Variants in COPG1 observed in about 807,000 individuals in gnomAD.
The protein encoded by COPG1 is coat protein complex I subunit gamma 1.
Under a neutral mutation model 102.8 loss-of-function variants are expected in COPG1, and 29 were observed. That is an observed-to-expected ratio of 0.28 (90% CI 0.21 to 0.38). The LOEUF (loss-of-function observed/expected upper bound fraction) is 0.38, where lower values mean the gene tolerates loss of function less well. COPG1 is among the 10% of genes least tolerant of loss of function. The pLI, the probability that COPG1 is intolerant of heterozygous loss-of-function variation, is 1.00. For missense variants in COPG1, 875 were observed against 1,132.7 expected (o/e 0.77, Z 3.27); for synonymous variants, 406 against 421.6 (o/e 0.96, Z 0.45).
rs764520625 is a variant in COPG1 at position 129,257,579 on chromosome 3, G to T, written c.689G>T (p.Cys230Phe). The stretch of plus-strand genomic sequence containing the variant: ...GGCCTTAAGTCTCCCTTTGCCTACT[G>T]CATGATGATCCGGGTGGCCAGCAAG... ...RHGLKSPFAY[C>F]MMIRVASKQL... is the part of the protein sequence containing the mutation. The change falls in exon 9 of 24, where the codon TGC becomes TTC. Residue 230 changes from cysteine (C) to phenylalanine (F), a missense_variant. Cys to Phe is a radical substitution (Grantham distance 205). Coordinates refer to ENST00000314797, the MANE Select transcript of COPG1 (RefSeq NM_016128.4). The T allele has an allele frequency of 1.9e-6, 3 of 1,614,130 alleles. No individual in the cohort carries two copies. The highest frequency in any genetic ancestry group is 2.5e-6 in the Non-Finnish European group (3 of 1,180,056).
At chr3:129,267,189 G>A in intron 15 of COPG1, 90 bp downstream of exon 15, 1 of 976,970 alleles carries the variant, frequency 1.0e-6, no homozygotes, top group Non-Finnish European at 1.6e-6. Context: ...TAACTGAAAA[G>A]GGAGAGAAAA....
In COPG1 at chr3:129,268,560, A is replaced by G. The variant is rs1940116633; in HGVS notation, c.1714A>G (p.Lys572Glu). Residue 572 changes from lysine to glutamate, a missense_variant, in exon 17 of 24, where the codon AAA (lysine) becomes GAA (glutamate). By Grantham distance (56) the Lys-to-Glu change is moderately conservative. Transcript: ENST00000314797. ...LQQYTLEPSE[K>E]PFDLKSVPLA... is the part of the protein sequence containing the mutation. Reference sequence around the variant, plus strand: ...GCAGTACACTCTAGAACCATCAGAAAAACCTTTTGACCTCAAGTCTGTGCC... The same window carrying G: ...GCAGTACACTCTAGAACCATCAGAAGAACCTTTTGACCTCAAGTCTGTGCC... 6.2e-7 allele frequency: 1 copy of G among 1,614,174 alleles called. No homozygotes were observed. The highest frequency in any genetic ancestry group is 2.2e-5 in the East Asian group (1 of 44,880).
chr3:129,263,360 C>T (rs969489367), intron 12 of COPG1, among the ~76,000 whole-genome samples: 8 of 152,060 alleles, frequency 5.3e-5, no homozygotes, highest in Non-Finnish European at 1.0e-4. Flanking sequence ...GTGCTGTGGG[C>T]GCCAGGTGGA....
At chr3:129,252,546 C>A in intron 3 of COPG1, 77 bp from the exon 4 acceptor site, 2 of 1,263,172 alleles carry the variant, frequency 1.6e-6, no homozygotes, top group Non-Finnish European at 1.1e-6. Context: ...GTCTGGGGAT[C>A]TGGTGTGGGC....
intron 10 of COPG1, among the ~76,000 whole-genome samples, chr3:129,259,482 AAATGG>A (rs199926895): frequency 9.8e-5 from 12 of 122,760 alleles, no homozygotes; most frequent in African/African-American, 6.1e-4. Context: ...AAAAAAAAAG[AAATGG>A]AAAAAGAACT....
chr3:129,266,883 G>A, intron 14 of COPG1, 141 bp from the exon 15 acceptor site: 2 of 687,748 alleles, frequency 2.9e-6, no homozygotes, highest in East Asian at 2.7e-5. Context: ...CACTCTGTTG[G>A]TAGTGACTTT....
chr3:129,265,710 G>C lies in COPG1; in HGVS notation c.1386G>C (p.Glu462Asp). ...ATRILHLLGQ[E>D]GPKTTNPSKY... ...GTATTCTACATCTCCTGGGCCAGGAGGGGCCCAAGACCACCAATCCCTCAA... is the reference window on the plus strand; with the variant it reads ...GTATTCTACATCTCCTGGGCCAGGACGGGCCCAAGACCACCAATCCCTCAA... Residue 462 changes from glutamate to aspartate, a missense_variant, in exon 14 of 24, where the codon GAG (glutamate) becomes GAC (aspartate). Physicochemically the swap from Glu to Asp is conservative, Grantham distance 45. Coordinates refer to ENST00000314797, the MANE Select transcript of COPG1 (RefSeq NM_016128.4). The C allele has an allele frequency of 6.2e-7, 1 of 1,614,164 alleles. No individual in the cohort carries two copies.
intron 14 of COPG1, among the ~76,000 whole-genome samples, chr3:129,266,033 G>A (rs1331750637): frequency 2.6e-5 from 4 of 151,706 alleles, no homozygotes; most frequent in East Asian, 1.9e-4. Flanking sequence ...ATGCAGTGGC[G>A]CAATCTCAGC....
chr3:129,273,808 T>C (rs1279124734), intron 21 of COPG1, among the ~76,000 whole-genome samples: 1 of 152,218 alleles, frequency 6.6e-6, no homozygotes, highest in Non-Finnish European at 1.5e-5. Context: ...TCAAATGCTT[T>C]CTGGATAAAT....
chr3:129,261,632 A>G (rs1423902868), intron 12 of COPG1, among the ~76,000 whole-genome samples: 1 of 152,240 alleles, frequency 6.6e-6, no homozygotes, highest in Non-Finnish European at 1.5e-5. Context: ...CCTCTCCTAC[A>G]GTGCCAGCAT....
chr3:129,263,873 C>A (rs781135300), intron 12 of COPG1, 31 bp from the exon 13 acceptor site: 2 of 1,590,758 alleles, frequency 1.3e-6, no homozygotes, highest in South Asian at 2.2e-5. Context: ...GGTGGCAGGG[C>A]CTGCTGCTCA....
At chr3:129,263,860 C>A in intron 12 of COPG1, 44 bp from the exon 13 acceptor site, 2 of 1,562,030 alleles carry the variant, frequency 1.3e-6, no homozygotes, top group Non-Finnish European at 8.8e-7. Context: ...GTCACCCCAT[C>A]TTGGTGGCAG....
chr3:129,251,113 C>G (rs961701486), intron 2 of COPG1, among the ~76,000 whole-genome samples: 3 of 150,652 alleles, frequency 2.0e-5, no homozygotes, highest in African/African-American at 7.3e-5. Flanking sequence ...TTAGTAGAGA[C>G]GGGGTTTCAC....
chr3:129,277,418 G>A lies in COPG1; in HGVS notation c.2619G>A (p.Val873=). The change falls in exon 24 of 24, where the codon GTG becomes GTA. Residue 873 remains valine, a synonymous_variant. Coordinates refer to ENST00000314797, the MANE Select transcript of COPG1 (RefSeq NM_016128.4). The stretch of plus-strand genomic sequence containing the variant: ...CAGTAGACATCATCTTGGCATCTGT[G>A]GGATAAGAGGCCAGCCTGCATAGGA... ...ELPVDIILAS[V]G 6.2e-7 allele frequency: 1 copy of A among 1,613,660 alleles called. No homozygotes were observed.
chr3:129,268,571 C>T lies in COPG1; in HGVS notation c.1725C>T (p.Asp575=), dbSNP rs764868411. 1.2e-6 allele frequency: 2 copies of T among 1,614,180 alleles called. No individual in the cohort carries two copies. The highest frequency in any genetic ancestry group is 2.2e-5 in the East Asian group (1 of 44,882). The change falls in exon 17 of 24, where the codon GAC becomes GAT. Residue 575 remains aspartate (D), a synonymous_variant. Coordinates refer to ENST00000314797, the MANE Select transcript of COPG1 (RefSeq NM_016128.4). ...YTLEPSEKPF[D]LKSVPLATAP... ...TAGAACCATCAGAAAAACCTTTTGA[C>T]CTCAAGTCTGTGCCCCTGGCCACGG...
intron 12 of COPG1, among the ~76,000 whole-genome samples, chr3:129,263,019 A>G (rs1939956899): frequency 1.4e-5 from 2 of 143,544 alleles, no homozygotes; most frequent in South Asian, 4.3e-4. Flanking sequence ...CGTCTCAAAA[A>G]AAAAAAAAAA....
At chr3:129,276,096 C>T (rs1394934284) in intron 23 of COPG1, among the ~76,000 whole-genome samples, 2 of 152,220 alleles carry the variant, frequency 1.3e-5, no homozygotes, top group African/African-American at 4.8e-5. Flanking sequence ...TGATAAATAA[C>T]TCCAAGTTGC....
At position 129,267,010 on chromosome 3, in the gene COPG1, C is replaced by A. The variant is rs1301456810; in HGVS notation, c.1469-14C>A. 1.2e-6 allele frequency: 2 copies of A among 1,612,568 alleles called. No homozygotes were observed. The highest frequency in any genetic ancestry group is 1.7e-6 in the Non-Finnish European group (2 of 1,178,930). On this transcript the variant is annotated splice_polypyrimidine_tract_variant and intron_variant, in intron 14 of 23. Transcript: ENST00000314797. Reference sequence around the variant, plus strand: ...GGGTGCATTGGGTAAATCACATTCGCTTCCTAAACACAGGTGCTGTGAGTG... The same window carrying A: ...GGGTGCATTGGGTAAATCACATTCGATTCCTAAACACAGGTGCTGTGAGTG...
At chr3:129,256,817 A>G (rs1430767012) in intron 8 of COPG1, among the ~76,000 whole-genome samples, 1 of 152,236 alleles carries the variant, frequency 6.6e-6, no homozygotes, top group Non-Finnish European at 1.5e-5. Flanking sequence ...GGGCCAGATA[A>G]GCTTCCCACA....
Sources: gnomAD v4.1 joint callset for allele counts (sites outside exome capture counted in the v4.1 genomes callset) on GRCh38, gnomAD v4.1.1 for gene constraint, MANE v1.5 for transcripts, NCBI Gene and HGNC (gene_info 2026-07-23, HGNC 2026-07-21) for gene names.